Variants in DOCK2 observed in about 807,000 individuals in gnomAD.
DOCK2 encodes the protein dedicator of cytokinesis 2.
In DOCK2, 87 loss-of-function variants were observed where a neutral mutation model predicts 248.9. That is an observed-to-expected ratio of 0.35 (90% CI 0.29 to 0.42). The LOEUF (loss-of-function observed/expected upper bound fraction) is 0.42, where lower values mean the gene tolerates loss of function less well. Ranked by LOEUF, DOCK2 falls within the 10% of genes least tolerant of loss-of-function variation. The pLI, the probability that DOCK2 is intolerant of heterozygous loss-of-function variation, is 1.00. For missense variants in DOCK2, 1,747 were observed against 2,300.2 expected (o/e 0.76, Z 4.92); for synonymous variants, 805 against 821.6 (o/e 0.98, Z 0.35).
chr5:169,801,282 G>A (rs1004416619), intron 25 of DOCK2, among the ~76,000 whole-genome samples: 60 of 149,614 alleles, frequency 4.0e-4, no homozygotes, highest in African/African-American at 1.3e-3. Flanking sequence ...GATTACAGGC[G>A]TAGGCCACCA....
chr5:169,949,336 C>A, intron 27 of DOCK2, among the ~76,000 whole-genome samples: 1 of 152,106 alleles, frequency 6.6e-6, no homozygotes, highest in East Asian at 1.9e-4. Flanking sequence ...AATAGAGGCA[C>A]CTGGGAAGCC....
rs376149603 is a variant in DOCK2, at chr5:170,001,811, T to G, written c.3072+5647T>G. On this transcript the variant is annotated intron_variant, in intron 30 of 51. Coordinates refer to ENST00000520908, the MANE Select transcript of DOCK2 (RefSeq NM_004946.3). Reference sequence around the variant, plus strand: ...AGACAGAAAATAAATTAATTTTGTTTAAAATATGACACAGATGTTGTGAAC... The same window carrying G: ...AGACAGAAAATAAATTAATTTTGTTGAAAATATGACACAGATGTTGTGAAC... 2.6e-5 allele frequency among the ~76,000 whole-genome samples: 4 copies of G among 152,306 alleles called. No individual in the cohort carries two copies. The East Asian group carries it at 7.7e-4, about 29-fold the overall frequency.
At chr5:169,703,864 A>C (rs530355996) in intron 14 of DOCK2, 7 of 152,192 alleles carry the variant, frequency 4.6e-5, no homozygotes, top group Non-Finnish European at 8.8e-5. Context: ...CTTTTATCCA[A>C]CTTCCCTGGT....
chr5:169,965,275 G>T (rs1172371115), intron 27 of DOCK2, among the ~76,000 whole-genome samples: 1 of 152,212 alleles, frequency 6.6e-6, no homozygotes, highest in African/African-American at 2.4e-5. Flanking sequence ...TGATTCTTCA[G>T]CTGCGGGCTG....
intron 34 of DOCK2, among the ~76,000 whole-genome samples, chr5:170,031,724 T>G (rs919507494): frequency 6.6e-6 from 1 of 152,206 alleles, no homozygotes; most frequent in African/African-American, 2.4e-5. Flanking sequence ...GGATAGTGGA[T>G]GGATGGGTCA....
chr5:169,742,703 G>A (rs1763382805), intron 22 of DOCK2, among the ~76,000 whole-genome samples: 1 of 152,222 alleles, frequency 6.6e-6, no homozygotes, highest in Non-Finnish European at 1.5e-5. Flanking sequence ...GTTTTGGGCT[G>A]AGGCTTTATG....
chr5:170,038,898 G>C (rs1329483961), intron 36 of DOCK2, among the ~76,000 whole-genome samples: 2 of 152,212 alleles, frequency 1.3e-5, no homozygotes, highest in Non-Finnish European at 2.9e-5. Context: ...AGGCATCGAG[G>C]ATGGGCAGGA....
Position 169,669,331 on chromosome 5 carries a change from A to G in DOCK2, c.168+3A>G. 2 of 1,614,132 alleles carry G rather than the reference A, an allele frequency of 1.2e-6. No individual in the cohort carries two copies. The highest frequency in any genetic ancestry group is 1.7e-6 in the Non-Finnish European group (2 of 1,179,980). On this transcript the variant is annotated splice_donor_region_variant and intron_variant, in intron 3 of 51. Transcript: ENST00000520908. ...TCATAAAGCACAAAATGTTACAGGT[A>G]AGGTCACCTGGTTTTTATTTGTGTC...
chr5:170,012,239 G>T (rs1335595181), intron 32 of DOCK2, among the ~76,000 whole-genome samples: 1 of 147,654 alleles, frequency 6.8e-6, no homozygotes, highest in Non-Finnish European at 1.5e-5. Flanking sequence ...CTTTTTCAAA[G>T]TGTATGCATA....
chr5:169,686,565 G>A (rs1759995361), intron 8 of DOCK2, among the ~76,000 whole-genome samples: 1 of 152,224 alleles, frequency 6.6e-6, no homozygotes, highest in South Asian at 2.1e-4. Flanking sequence ...CACAATGCAG[G>A]AAGGAGGGCA....
At chr5:170,018,228 C>G (rs1409150922) in intron 32 of DOCK2, among the ~76,000 whole-genome samples, 1 of 152,086 alleles carries the variant, frequency 6.6e-6, no homozygotes, top group African/African-American at 2.4e-5. Context: ...AAGATAGCAC[C>G]CATCTGGGGG....
At chr5:170,053,974 G>C (rs939765124) in intron 41 of DOCK2, among the ~76,000 whole-genome samples, 2 of 152,192 alleles carry the variant, frequency 1.3e-5, no homozygotes, top group African/African-American at 4.8e-5. Context: ...TGGATCCTAA[G>C]AGAAGCAAAG....
At chr5:169,805,233 A>T (rs907809374) in intron 26 of DOCK2, among the ~76,000 whole-genome samples, 3 of 150,106 alleles carry the variant, frequency 2.0e-5, no homozygotes, top group Non-Finnish European at 4.4e-5. Flanking sequence ...AAAAAAAAAA[A>T]GGAAAGAAAA....
At chr5:170,066,402 A>G (rs952831363) in intron 44 of DOCK2, among the ~76,000 whole-genome samples, 11 of 152,256 alleles carry the variant, frequency 7.2e-5, no homozygotes, top group Non-Finnish European at 1.5e-5. Flanking sequence ...ACCTAAATAT[A>G]TAAAGTAGAC....
At chr5:169,722,942 G>A (rs1233704857) in intron 22 of DOCK2, among the ~76,000 whole-genome samples, 1 of 152,080 alleles carries the variant, frequency 6.6e-6, no homozygotes, top group African/African-American at 2.4e-5. Flanking sequence ...TACTCTCCTG[G>A]CCCCAGGAAT....
intron 2 of DOCK2, among the ~76,000 whole-genome samples, chr5:169,668,768 G>T (rs1205775767): frequency 6.6e-6 from 1 of 152,180 alleles, no homozygotes; most frequent in African/African-American, 2.4e-5. Context: ...TACTTGTTTT[G>T]TAACGACTAA....
chr5:169,976,009 G>A (rs906736545), intron 27 of DOCK2, among the ~76,000 whole-genome samples: 2 of 152,142 alleles, frequency 1.3e-5, no homozygotes, highest in Non-Finnish European at 2.9e-5. Flanking sequence ...TTTCATTTCT[G>A]GCCTCTCCTA....
chr5:170,008,151 C>T lies in DOCK2; in HGVS notation c.3073-346C>T, dbSNP rs1434321824. Among the ~76,000 whole-genome samples the T allele has an allele frequency of 2.0e-5, 3 of 150,392 alleles. No homozygotes were observed. In the East Asian group the frequency reaches 5.9e-4, roughly 30 times the overall value. On this transcript the variant is annotated intron_variant, in intron 30 of 51. Transcript: ENST00000520908. ...AGCTCTCCACAGCACGCAGCTAGGG[C>T]AAATTATTTGTCTTTCAAAAAACAG...
chr5:169,869,980 A>G (rs181918858), intron 27 of DOCK2, among the ~76,000 whole-genome samples: 2 of 152,334 alleles, frequency 1.3e-5, no homozygotes, highest in African/African-American at 4.8e-5. Flanking sequence ...AGTGGAGGGC[A>G]AATAGTAGTT....
Sources: allele counts gnomAD v4.1 joint callset (sites outside exome capture counted in the v4.1 genomes callset), GRCh38; gene constraint gnomAD v4.1.1; transcripts MANE v1.5; gene names NCBI Gene and HGNC (gene_info 2026-07-23, HGNC 2026-07-21).